KAZN: variants seen among roughly 807,000 people sequenced by gnomAD.
KAZN encodes the protein kazrin.
In KAZN, 40 loss-of-function variants were observed where a neutral mutation model predicts 87.4. The observed-to-expected ratio is 0.46, with a 90% CI of 0.36 to 0.60. The LOEUF is 0.60. Among genes scored for constraint, KAZN ranks in the 20% least tolerant of loss-of-function variants. The probability of loss-of-function intolerance (pLI) is 0.00; values close to 1 mark genes in which losing one functional copy is unlikely to be tolerated. For missense variants in KAZN, 898 were observed against 1,073.9 expected (o/e 0.84, Z 2.29); for synonymous variants, 466 against 458.3 (o/e 1.02, Z -0.22).
At chr1:14,692,287 T>C (rs1641361758) in intron 1 of KAZN, 2 of 684,596 alleles carry the variant, frequency 2.9e-6, no homozygotes, top group Non-Finnish European at 4.4e-6. Flanking sequence ...TCTTGTAGGA[T>C]CTCTGCCTGC....
At chr1:14,185,635 C>A (rs575460375) in intron 2 of KAZN, among the ~76,000 whole-genome samples, 1 of 152,236 alleles carries the variant, frequency 6.6e-6, no homozygotes, top group Admixed American at 6.5e-5. Flanking sequence ...TAGTTTTGAT[C>A]TTTAAAAGGG....
At chr1:14,642,772 AT>A (rs1220407215) in intron 1 of KAZN, among the ~76,000 whole-genome samples, 1 of 152,256 alleles carries the variant, frequency 6.6e-6, no homozygotes, top group Non-Finnish European at 1.5e-5. Flanking sequence ...CATTATATGT[AT>A]AAAAATACCA....
Position 15,065,665 on chromosome 1 carries a change from GAAGA to G in KAZN, c.1139_1142del (p.Lys380ArgfsTer58). On this transcript the variant is annotated frameshift_variant, in exon 8 of 15. Transcript: ENST00000376030. LOFTEE classifies it high-confidence loss of function. ...ATCTTGAAGACCAAAAACGGAAAAAGAAGAAAGAGAAGATGGGATTCGGCTCCAT... is the reference window on the plus strand; with the variant it reads ...ATCTTGAAGACCAAAAACGGAAAAAGAAGAGAAGATGGGATTCGGCTCCAT... 6.2e-7 allele frequency: 1 copy of G among 1,614,128 alleles called. No individual in the cohort carries two copies. Among genetic ancestry groups the G allele is most frequent in the Non-Finnish European group, 8.5e-7 (1 of 1,179,950 alleles).
chr1:14,950,250 A>G (rs1274027582), intron 1 of KAZN, among the ~76,000 whole-genome samples: 1 of 152,016 alleles, frequency 6.6e-6, no homozygotes, highest in African/African-American at 2.4e-5. Context: ...CATATGACAC[A>G]GGCCCAGAGG....
intron 1 of KAZN, among the ~76,000 whole-genome samples, chr1:14,647,799 T>G (rs1285479688): frequency 6.6e-6 from 1 of 152,200 alleles, no homozygotes; most frequent in East Asian, 1.9e-4. Context: ...TATTCTGGGG[T>G]TCACCAATTT....
intron 1 of KAZN, among the ~76,000 whole-genome samples, chr1:14,757,000 G>A (rs1478175287): frequency 3.3e-5 from 5 of 152,098 alleles, no homozygotes; most frequent in African/African-American, 1.2e-4. Context: ...GATCTTCTGC[G>A]GCAAGAGGGA....
At chr1:14,727,040 G>C (rs1473770826) in intron 1 of KAZN, among the ~76,000 whole-genome samples, 2 of 152,082 alleles carry the variant, frequency 1.3e-5, no homozygotes, top group African/African-American at 4.8e-5. Context: ...AGTGCTCAGT[G>C]GAAACCATAA....
At chr1:15,103,559 TGCAGATCTCATGCAAATCAATGG>T in intron 12 of KAZN, 99 bp downstream of exon 12, 2 of 806,082 alleles carry the variant, frequency 2.5e-6, no homozygotes, top group African/African-American at 3.4e-5. Context: ...CAAATCAATA[TGCAGATCTCATGCAAATCAATGG>T]GCAAATCCCA....
chr1:14,800,691 G>T (rs1182750837), intron 1 of KAZN, among the ~76,000 whole-genome samples: 1 of 152,188 alleles, frequency 6.6e-6, no homozygotes, highest in East Asian at 1.9e-4. Flanking sequence ...ACAACAGAGT[G>T]AGGCCCTGTC....
rs140011706 is a variant in KAZN at position 14,922,649 on chromosome 1, G to A, written c.227-38035G>A. 3.2e-3 allele frequency among the ~76,000 whole-genome samples: 491 copies of A among 152,050 alleles called. 11 individuals carry two copies. The South Asian group carries it at 0.049, about 15-fold the overall frequency. ...TCTACTAAAAATACAAAAATTAGCC[G>A]GGCATGGTGGCGGGCACCTGTAATC... On this transcript the variant is annotated intron_variant, in intron 1 of 14. Coordinates refer to ENST00000376030, the MANE Select transcript of KAZN (RefSeq NM_201628.3).
intron 2 of KAZN, among the ~76,000 whole-genome samples, chr1:14,313,603 A>G (rs1655454567): frequency 6.6e-6 from 1 of 152,040 alleles, no homozygotes; most frequent in African/African-American, 2.4e-5. Flanking sequence ...AAGTCACTTC[A>G]CTTTTCTGGG....
At chr1:14,615,708 C>T (rs112303030) in intron 1 of KAZN, among the ~76,000 whole-genome samples, 16 of 152,112 alleles carry the variant, frequency 1.1e-4, no homozygotes, top group African/African-American at 3.1e-4. Context: ...GTATGGCCAA[C>T]GTGTAGGCTG....
chr1:14,326,183 C>T (rs1656398712), intron 2 of KAZN, among the ~76,000 whole-genome samples: 1 of 152,138 alleles, frequency 6.6e-6, no homozygotes, highest in Non-Finnish European at 1.5e-5. Context: ...TTTCATCTCT[C>T]ATGTCTGCCC....
Position 15,066,103 on chromosome 1 carries a change from G to A in KAZN, c.1222+350G>A, listed in dbSNP as rs1174013650. 5.3e-6 allele frequency: 6 copies of A among 1,126,962 alleles called. No individual in the cohort carries two copies. The highest frequency in any genetic ancestry group is 6.5e-6 in the Non-Finnish European group (6 of 921,184). 69.8% of individuals were successfully genotyped at this position (1,126,962 alleles called of 1,614,324 possible). A position where few individuals can be genotyped will look rare whatever the true frequency, so the allele number is the denominator to read the frequency against. ...ATCTGGTTTATTATTTTTCTTCAGTGTTTGGTTTTTCTTTTTCTTTTTGTT... is the reference window on the plus strand; with the variant it reads ...ATCTGGTTTATTATTTTTCTTCAGTATTTGGTTTTTCTTTTTCTTTTTGTT... On this transcript the variant is annotated intron_variant, in intron 8 of 14. Coordinates refer to ENST00000376030, the MANE Select transcript of KAZN (RefSeq NM_201628.3). The surrounding 1 kb of genome is among the most constrained non-coding windows in gnomAD (Gnocchi z 4.3).
At chr1:14,452,671 A>G (rs1308170442) in intron 2 of KAZN, among the ~76,000 whole-genome samples, 3 of 152,198 alleles carry the variant, frequency 2.0e-5, no homozygotes, top group Admixed American at 6.5e-5. Context: ...GAAGACAGCC[A>G]GCGCAACAGC....
intron 2 of KAZN, among the ~76,000 whole-genome samples, chr1:14,570,698 G>A (rs898436024): frequency 6.6e-5 from 10 of 152,126 alleles, no homozygotes; most frequent in Admixed American, 6.5e-4. Flanking sequence ...AATATTCATC[G>A]ACGAGTGTTT....
Position 15,100,559 on chromosome 1 carries a change from G to A in KAZN, c.1548-984G>A, listed in dbSNP as rs12032954. On this transcript the variant is annotated intron_variant, in intron 10 of 14. Transcript: ENST00000376030. The stretch of plus-strand genomic sequence containing the variant: ...TTCTGCAAGGCTGCCACTGTGTGGC[G>A]AGCAGCGGAATGACAGCCAGGCACA... Among the ~76,000 whole-genome samples the A allele has an allele frequency of 3.5e-4, 54 of 152,250 alleles. No individual in the cohort carries two copies. The East Asian group carries it at 8.3e-3, about 24-fold the overall frequency.
chr1:14,954,277 T>TA (rs1662828022), intron 1 of KAZN, among the ~76,000 whole-genome samples: 1 of 152,216 alleles, frequency 6.6e-6, no homozygotes, highest in African/African-American at 2.4e-5. Flanking sequence ...CCCCTCTACT[T>TA]AGAGGCCTGA....
intron 1 of KAZN, among the ~76,000 whole-genome samples, chr1:14,674,597 C>T (rs1003744520): frequency 2.0e-5 from 3 of 152,310 alleles, no homozygotes; most frequent in Non-Finnish European, 4.4e-5. Context: ...TAAGCTTAAG[C>T]GGAGGACAAA....
Sources: allele counts gnomAD v4.1 joint callset (sites outside exome capture counted in the v4.1 genomes callset), GRCh38; gene constraint gnomAD v4.1.1; non-coding constraint Gnocchi (gnomAD v3.1); transcripts MANE v1.5; gene names NCBI Gene and HGNC (gene_info 2026-07-23, HGNC 2026-07-21).